The following FHOD3 variants were observed in gnomAD, a reference collection of about 807,000 sequenced individuals.
FHOD3 encodes the protein FH1/FH2 domain-containing protein 3.
In FHOD3, 90 loss-of-function variants were observed where a neutral mutation model predicts 173.0. The observed-to-expected ratio is 0.52, with a 90% CI of 0.44 to 0.62. The LOEUF (loss-of-function observed/expected upper bound fraction) is 0.62, where lower values mean the gene tolerates loss of function less well. FHOD3 is among the 20% of genes least tolerant of loss of function. FHOD3 has a pLI of 0.00. For missense variants in FHOD3, 1,945 were observed against 2,034.7 expected (o/e 0.96, Z 0.85); for synonymous variants, 828 against 823.0 (o/e 1.01, Z -0.10).
At chr18:36,739,990 T>C (rs2041826632) in intron 20 of FHOD3, among the ~76,000 whole-genome samples, 1 of 152,190 alleles carries the variant, frequency 6.6e-6, no homozygotes, top group Non-Finnish European at 1.5e-5. Context: ...ATAGGAATAG[T>C]AGGAGTAGAC....
At chr18:36,675,586 G>A (rs529511937) in intron 14 of FHOD3, among the ~76,000 whole-genome samples, 2 of 152,148 alleles carry the variant, frequency 1.3e-5, no homozygotes, top group Non-Finnish European at 2.9e-5. Context: ...TGCCTTTGGG[G>A]CAGGCACCCA....
intron 3 of FHOD3, among the ~76,000 whole-genome samples, chr18:36,484,731 A>G (rs777649809): frequency 6.6e-6 from 1 of 152,118 alleles, no homozygotes; most frequent in Non-Finnish European, 1.5e-5. Context: ...ATGTAGACAC[A>G]GGAAAAGCTC....
At chr18:36,381,841 G>A (rs559626056) in intron 3 of FHOD3, among the ~76,000 whole-genome samples, 55 of 152,224 alleles carry the variant, frequency 3.6e-4, no homozygotes, top group South Asian at 1.0e-3. Flanking sequence ...TAAGTACCAT[G>A]TGCTAACAGA....
chr18:36,627,654 T>G (rs1297810771), intron 10 of FHOD3, among the ~76,000 whole-genome samples: 4 of 152,204 alleles, frequency 2.6e-5, no homozygotes, highest in Non-Finnish European at 5.9e-5. Flanking sequence ...GTTTTATCTA[T>G]CTAGATTGAT....
At position 36,718,370 on chromosome 18, in the gene FHOD3, A is replaced by ACCCC; in HGVS notation, c.3074_3077dup (p.Phe1029HisfsTer25). 2.1e-6 allele frequency: 1 copy of ACCCC among 485,486 alleles called. No homozygotes were observed. The highest frequency in any genetic ancestry group is 3.0e-6 in the Non-Finnish European group (1 of 331,158). The allele number at this position is 485,486 out of a possible 1,614,324, so 30.1% of individuals were successfully genotyped here. On this transcript the variant is annotated frameshift_variant, in exon 19 of 29. Transcript: ENST00000590592. LOFTEE classifies it high-confidence loss of function. ...GGGAGGCCCCTGGGCCACCTCCCCCACCCCCACCCACCTTTCTGGGTTTGC... is the reference window on the plus strand; with the variant it reads ...GGGAGGCCCCTGGGCCACCTCCCCCACCCCCCCCCACCCACCTTTCTGGGTTTGC...
intron 1 of FHOD3, among the ~76,000 whole-genome samples, chr18:36,299,833 T>A (rs1168198652): frequency 6.6e-6 from 1 of 152,210 alleles, no homozygotes; most frequent in Non-Finnish European, 1.5e-5. Flanking sequence ...CAGAATCTTT[T>A]GCCCGAAGAC....
chr18:36,664,837 C>T (rs1568572500), intron 14 of FHOD3, among the ~76,000 whole-genome samples: 1 of 142,972 alleles, frequency 7.0e-6, no homozygotes, highest in Non-Finnish European at 1.6e-5. Flanking sequence ...ATTTCTCCTT[C>T]AGAAAAATGT....
chr18:36,756,822 C>T (rs1379884557), intron 25 of FHOD3, among the ~76,000 whole-genome samples: 4 of 152,176 alleles, frequency 2.6e-5, no homozygotes, highest in African/African-American at 9.7e-5. Flanking sequence ...CTCTACCCTG[C>T]ACCCAAGCAG....
At chr18:36,327,550 A>G (rs2044737464) in intron 1 of FHOD3, among the ~76,000 whole-genome samples, 1 of 152,246 alleles carries the variant, frequency 6.6e-6, no homozygotes, top group Admixed American at 6.5e-5. Context: ...ATAAAGAAGA[A>G]GAGCATCAGA....
intron 9 of FHOD3, among the ~76,000 whole-genome samples, chr18:36,624,989 A>G (rs1306783782): frequency 6.6e-6 from 1 of 152,138 alleles, no homozygotes; most frequent in African/African-American, 2.4e-5. Context: ...CTGCTGTGGC[A>G]CTAGTCCTCT....
rs576893609 is a variant in FHOD3, at chr18:36,739,985, A to T, written c.3577-671A>T. On this transcript the variant is annotated intron_variant, in intron 20 of 28. Coordinates refer to ENST00000590592, the MANE Select transcript of FHOD3 (RefSeq NM_001281740.3). ...AGATTTCCATATGGTGTTCAATAGG[A>T]ATAGTAGGAGTAGACATGAGAATTT... Among the ~76,000 whole-genome samples, 5 of 152,326 alleles carry T rather than the reference A, an allele frequency of 3.3e-5. No individual in the cohort carries two copies. The East Asian group carries it at 9.6e-4, about 29-fold the overall frequency.
intron 6 of FHOD3, among the ~76,000 whole-genome samples, chr18:36,581,588 T>G (rs761207258): frequency 3.9e-5 from 6 of 152,214 alleles, no homozygotes; most frequent in Non-Finnish European, 7.3e-5. Flanking sequence ...CCAGACTTCC[T>G]TTCTACTTGT....
At chr18:36,762,025 AG>A (rs891756765) in intron 27 of FHOD3, among the ~76,000 whole-genome samples, 10 of 152,060 alleles carry the variant, frequency 6.6e-5, no homozygotes, top group African/African-American at 2.4e-4. Flanking sequence ...ATGAACATGC[AG>A]GCAGAAAGGC....
chr18:36,594,789 C>T lies in FHOD3; in HGVS notation c.609C>T (p.Phe203=). ...QWLYTLIGSK[F]RLVVKTALKL... Reference sequence around the variant, plus strand: ...GATGGTTTTATCTCTTCTGCCAGTTCCGCCTGGTGGTGAAGACAGCCCTGA... The same window carrying T: ...GATGGTTTTATCTCTTCTGCCAGTTTCGCCTGGTGGTGAAGACAGCCCTGA... Residue 203 remains phenylalanine (F), a splice_region_variant and synonymous_variant, in exon 7 of 29, where the codon TTC becomes TTT. Transcript: ENST00000590592. 1 of 1,612,126 alleles carries T rather than the reference C, an allele frequency of 6.2e-7. No homozygotes were observed. Among genetic ancestry groups the T allele is most frequent in the Non-Finnish European group, 8.5e-7 (1 of 1,178,730 alleles).
At chr18:36,435,042 A>G (rs1219231910) in intron 3 of FHOD3, among the ~76,000 whole-genome samples, 3 of 151,468 alleles carry the variant, frequency 2.0e-5, no homozygotes, top group Non-Finnish European at 4.4e-5. Context: ...GTCAATGTAT[A>G]TTAATTTATT....
intron 5 of FHOD3, among the ~76,000 whole-genome samples, chr18:36,516,506 C>A (rs2146446796): frequency 6.6e-6 from 1 of 152,262 alleles, no homozygotes; most frequent in African/African-American, 2.4e-5. Context: ...GGTGTGAGAG[C>A]CCCGTGTGGG....
intron 1 of FHOD3, among the ~76,000 whole-genome samples, chr18:36,330,372 C>T (rs980762290): frequency 2.0e-5 from 3 of 152,174 alleles, no homozygotes; most frequent in Non-Finnish European, 4.4e-5. Flanking sequence ...TGAGCACTGT[C>T]GAGTGCTCTA....
intron 18 of FHOD3, among the ~76,000 whole-genome samples, chr18:36,716,908 A>ATGTGTGTGTG (rs1345159982): frequency 1.6e-4 from 21 of 135,342 alleles, no homozygotes; most frequent in African/African-American, 6.5e-4. Flanking sequence ...GAAATTATAT[A>ATGTGTGTGTG]TGTGTATGTG....
chr18:36,349,609 G>A (rs566550506), intron 1 of FHOD3, among the ~76,000 whole-genome samples: 13 of 152,276 alleles, frequency 8.5e-5, no homozygotes, highest in African/African-American at 2.6e-4. Context: ...TTTATTGCCT[G>A]GGCTATGGAT....
Sources: gnomAD v4.1 joint callset for allele counts (sites outside exome capture counted in the v4.1 genomes callset) on GRCh38, gnomAD v4.1.1 for gene constraint, MANE v1.5 for transcripts, NCBI Gene and HGNC (gene_info 2026-07-23, HGNC 2026-07-21) for gene names.